RBBP8NL: variants seen among roughly 807,000 people sequenced by gnomAD.
RBBP8NL encodes RBBP8 N-terminal like.
A neutral mutation model predicts 62.2 loss-of-function variants in RBBP8NL; 59 were observed. The ratio of observed to expected loss-of-function variants is 0.95; its 90% CI spans 0.77 to 1.18. The LOEUF (loss-of-function observed/expected upper bound fraction) is 1.18. Among genes scored for constraint, RBBP8NL ranks in the 50% most tolerant of loss-of-function variants. The probability of loss-of-function intolerance (pLI) is 0.00; values close to 1 mark genes in which losing one functional copy is unlikely to be tolerated. For synonymous variants in RBBP8NL, 412 were observed against 394.1 expected (o/e 1.05, Z -0.54); for missense variants, 896 against 899.5 (o/e 1.00, Z 0.05).
intron 1 of RBBP8NL, among the ~76,000 whole-genome samples, chr20:62,423,701 T>C (rs1988753812): frequency 6.6e-6 from 1 of 152,198 alleles, no homozygotes; most frequent in Admixed American, 6.5e-5. Context: ...ACGGAGCCTC[T>C]GCTGTGCCTC....
At position 62,416,254 on chromosome 20, in the gene RBBP8NL, G is replaced by A. The variant is rs1272034024; in HGVS notation, c.314-18C>T. On this transcript the variant is annotated intron_variant, in intron 5 of 13. Transcript: ENST00000252998. Reference sequence around the variant, plus strand: ...CTCGTTGGCTGCAAAAGGCACTGATGAGCAAAGCAGCCAGGGGTTGGGGGG... The same window carrying A: ...CTCGTTGGCTGCAAAAGGCACTGATAAGCAAAGCAGCCAGGGGTTGGGGGG... 6.1e-6 allele frequency: 6 copies of A among 990,546 alleles called. No homozygotes were observed. The African/African-American group carries it at 8.4e-5, about 14-fold the overall frequency. 61.4% of individuals were successfully genotyped at this position (990,546 alleles called of 1,614,324 possible). A position where few individuals can be genotyped will look rare whatever the true frequency, so the allele number is the denominator to read the frequency against.
rs1170874787 is a variant in RBBP8NL, at chr20:62,414,193, G to T, written c.1158C>A (p.Pro386=). The change falls in exon 10 of 14, where the codon CCC becomes CCA. Residue 386 remains proline, a synonymous_variant. Transcript: ENST00000252998. ...CAGAGTCTGAGCCGACTGGTAGGGAGGGCAGCATCTCCCCGGGTGTGGGCT... is the reference window on the plus strand; with the variant it reads ...CAGAGTCTGAGCCGACTGGTAGGGATGGCAGCATCTCCCCGGGTGTGGGCT... ...RGQPTPGEML[P]SLPVGSDSEG... 5 of 1,609,346 alleles carry T rather than the reference G, an allele frequency of 3.1e-6. No individual in the cohort carries two copies. Among genetic ancestry groups the T allele is most frequent in the Non-Finnish European group, 3.4e-6 (4 of 1,179,148 alleles).
At position 62,413,988 on chromosome 20, in the gene RBBP8NL, T is replaced by C; in HGVS notation, c.1363A>G (p.Thr455Ala). 6.4e-7 allele frequency: 1 copy of C among 1,569,056 alleles called. No individual in the cohort carries two copies. Among genetic ancestry groups the C allele is most frequent in the South Asian group, 1.2e-5 (1 of 85,424 alleles). Reference protein sequence around the residue: ...SEWGRARGQDTPKPAGQHGSL... With the variant: ...SEWGRARGQDAPKPAGQHGSL... ...CCATGCTGGCCGGCCGGCTTGGGAG[T>C]GTCCTGGCCCCGGGCCCGGCCCCAC... The change falls in exon 10 of 14, where the codon ACT becomes GCT. Residue 455 changes from threonine (T) to alanine (A), a missense_variant. Physicochemically the swap from Thr to Ala is moderately conservative, Grantham distance 58. Transcript: ENST00000252998.
chr20:62,426,480 G>A (rs1190386314), intron 1 of RBBP8NL, among the ~76,000 whole-genome samples: 1 of 152,262 alleles, frequency 6.6e-6, no homozygotes, highest in Non-Finnish European at 1.5e-5. Flanking sequence ...TGGAGGAAGT[G>A]CTGATTGTCT....
chr20:62,415,050 G>T (rs1988529549), intron 9 of RBBP8NL, 71 bp downstream of exon 9: 8 of 1,376,984 alleles, frequency 5.8e-6, no homozygotes, highest in Non-Finnish European at 6.7e-6. Flanking sequence ...CAGAGGGACT[G>T]CCCTGGGACC....
chr20:62,411,102 G>C (rs1988424774), intron 13 of RBBP8NL, 106 bp from the exon 14 acceptor site: 2 of 738,200 alleles, frequency 2.7e-6, no homozygotes, highest in Non-Finnish European at 4.7e-6. Context: ...CGGGGAGCTG[G>C]GTGCTTGGGG....
In RBBP8NL at chr20:62,414,184, T is replaced by G; in HGVS notation, c.1167A>C (p.Pro389=). ...CAGGGCCCTCAGAGTCTGAGCCGACTGGTAGGGAGGGCAGCATCTCCCCGG... is the reference window on the plus strand; with the variant it reads ...CAGGGCCCTCAGAGTCTGAGCCGACGGGTAGGGAGGGCAGCATCTCCCCGG... ...PTPGEMLPSL[P]VGSDSEGPEN... Residue 389 remains proline, a synonymous_variant, in exon 10 of 14, where the codon CCA becomes CCC. Transcript: ENST00000252998. 7.5e-6 allele frequency: 12 copies of G among 1,609,666 alleles called. No individual in the cohort carries two copies. The highest frequency in any genetic ancestry group is 1.0e-5 in the Non-Finnish European group (12 of 1,179,250).
In RBBP8NL at chr20:62,415,606, G is replaced by T. The variant is rs747927702; in HGVS notation, c.599C>A (p.Thr200Asn). The T allele has an allele frequency of 1.9e-5, 30 of 1,612,770 alleles. No homozygotes were observed. The highest frequency in any genetic ancestry group is 2.4e-5 in the Non-Finnish European group (28 of 1,179,930). The change falls in exon 8 of 14, where the codon ACC becomes AAC. Residue 200 changes from threonine (T) to asparagine (N), a missense_variant. By Grantham distance (65) the Thr-to-Asn change is moderately conservative (BLOSUM62 0). Transcript: ENST00000252998. ...SPVAKISPGA[T>N]LPESRAPDMS... ...GTCTGGGGCTCGCGACTCAGGCAGG[G>T]TGGCCCCTGGGGAGATTTTGGCCAC...
chr20:62,421,600 T>TGC (rs1569027347), intron 1 of RBBP8NL, among the ~76,000 whole-genome samples: 1 of 149,268 alleles, frequency 6.7e-6, no homozygotes, highest in Non-Finnish European at 1.5e-5. Context: ...TGCATGTGTG[T>TGC]GGCATGTGTG....
chr20:62,419,335 G>A (rs1431251146), intron 2 of RBBP8NL, among the ~76,000 whole-genome samples: 2 of 152,154 alleles, frequency 1.3e-5, no homozygotes, highest in African/African-American at 4.8e-5. Flanking sequence ...CCTCCCCCTC[G>A]GGGTCACACT....
chr20:62,415,973 T>A, intron 6 of RBBP8NL, 28 bp from the exon 7 acceptor site: 1 of 1,499,402 alleles, frequency 6.7e-7, no homozygotes, highest in Non-Finnish European at 8.9e-7. Context: ...ACAGGGAGGG[T>A]GAGGGAGAGC....
chr20:62,426,011 T>C (rs1054678672), intron 1 of RBBP8NL, among the ~76,000 whole-genome samples: 9 of 57,242 alleles, frequency 1.6e-4, no homozygotes, highest in African/African-American at 8.2e-4. Context: ...GCAGTGGCAG[T>C]GGCAGCGGCA....
chr20:62,422,918 T>C (rs1988738526), intron 1 of RBBP8NL, among the ~76,000 whole-genome samples: 1 of 151,884 alleles, frequency 6.6e-6, no homozygotes, highest in Non-Finnish European at 1.5e-5. Context: ...CAGACCCGCC[T>C]GGGCTTTGGG....
chr20:62,416,389 C>T (rs923157361), intron 5 of RBBP8NL, among the ~76,000 whole-genome samples, 153 bp from the exon 6 acceptor site: 10 of 152,330 alleles, frequency 6.6e-5, no homozygotes, highest in African/African-American at 1.4e-4. Context: ...ATGCTGGCTG[C>T]GTGCATGGCT....
chr20:62,418,572 CTGCA>C, intron 2 of RBBP8NL, 107 bp from the exon 3 acceptor site: 1 of 1,146,620 alleles, frequency 8.7e-7, no homozygotes, highest in Non-Finnish European at 1.3e-6. Flanking sequence ...CTCCTGTCCC[CTGCA>C]CCCCCTGGGG....
Position 62,410,906 on chromosome 20 carries a change from G to A in RBBP8NL, c.1967C>T (p.Pro656Leu), listed in dbSNP as rs370447883. 1.1e-4 allele frequency: 173 copies of A among 1,613,086 alleles called. No homozygotes were observed. Among genetic ancestry groups the A allele is most frequent in the Middle Eastern group, 3.3e-4 (2 of 6,076 alleles). ...PRDAEDHSPS[P>L]NSSPWEET Reference sequence around the variant, plus strand: ...GGTCTCCTCCCAGGGGCTGCTGTTGGGGGAGGGACTGTGGTCCTCGGCGTC... The same window carrying A: ...GGTCTCCTCCCAGGGGCTGCTGTTGAGGGAGGGACTGTGGTCCTCGGCGTC... Residue 656 changes from proline to leucine, a missense_variant, in exon 14 of 14, where the codon CCC becomes CTC. Physicochemically the swap from Pro to Leu is moderately conservative, Grantham distance 98 (BLOSUM62 -3). Coordinates refer to ENST00000252998, the MANE Select transcript of RBBP8NL (RefSeq NM_080833.3).
chr20:62,415,761 C>A (rs1307509241), intron 7 of RBBP8NL, 27 bp downstream of exon 7: 1 of 1,610,652 alleles, frequency 6.2e-7, no homozygotes, highest in Admixed American at 1.7e-5. Flanking sequence ...GGCCCAGCCT[C>A]CCAGCCTCAC....
rs117063570 is a variant in RBBP8NL at position 62,415,806 on chromosome 20, C to T, written c.526G>A (p.Val176Met). The T allele has an allele frequency of 6.7e-4, 1,088 of 1,612,354 alleles. 11 individuals are homozygous for T. In the East Asian group the frequency reaches 0.015, roughly 23 times the overall value. The change falls in exon 7 of 14, where the codon GTG becomes ATG. Residue 176 changes from valine (V) to methionine (M), a missense_variant. Coordinates refer to ENST00000252998, the MANE Select transcript of RBBP8NL (RefSeq NM_080833.3). ...ACAGCACCTTCTCCCCGTAGGCCCA[C>T]GCCCTGGTGGTCTTCCTCAGCCTCC... ...HEEAEEDHQG[V>M]GLRGEEKPAG...
chr20:62,417,115 C>G (rs1335886246), intron 4 of RBBP8NL, 109 bp downstream of exon 4: 1 of 833,170 alleles, frequency 1.2e-6, no homozygotes, highest in Non-Finnish European at 1.9e-6. Flanking sequence ...CTTCCTGGTT[C>G]AGTTTATCCT....
Sources: allele counts gnomAD v4.1 joint callset (sites outside exome capture counted in the v4.1 genomes callset), GRCh38; gene constraint gnomAD v4.1.1; transcripts MANE v1.5; gene names NCBI Gene and HGNC (gene_info 2026-07-23, HGNC 2026-07-21).